KDM4C: variants seen among roughly 807,000 people sequenced by gnomAD.
KDM4C encodes the protein lysine demethylase 4C, also known as lysine-specific demethylase 4C.
KDM4C carries 81 observed loss-of-function variants against 129.3 expected under a neutral mutation model. The observed-to-expected ratio is 0.63, with a 90% CI of 0.52 to 0.75. KDM4C has a LOEUF of 0.75. Ranked by LOEUF, KDM4C falls within the 30% of genes least tolerant of loss-of-function variation. The pLI is 0.00. For missense variants in KDM4C, 1,457 were observed against 1,304.0 expected, an observed-to-expected ratio of 1.12 and a Z score of -1.81; for synonymous variants, 573 against 456.1, an observed-to-expected ratio of 1.26 and a Z score of -3.26.
chr9:6,916,442 T>A (rs1312455994), intron 8 of KDM4C, among the ~76,000 whole-genome samples: 1 of 152,012 alleles, frequency 6.6e-6, no homozygotes, highest in Non-Finnish European at 1.5e-5. Flanking sequence ...TGGGACTTCT[T>A]AATTTGTTTT....
At chr9:6,743,510 C>A (rs1817771867) in intron 1 of KDM4C, among the ~76,000 whole-genome samples, 1 of 150,450 alleles carries the variant, frequency 6.6e-6, no homozygotes. Context: ...TTTTCTGCTT[C>A]CTTTTTTTTT....
At chr9:6,898,024 C>T (rs1816734796) in intron 8 of KDM4C, among the ~76,000 whole-genome samples, 1 of 152,100 alleles carries the variant, frequency 6.6e-6, no homozygotes, top group South Asian at 2.1e-4. Flanking sequence ...GCTTCCTGGC[C>T]AGGTTGGATC....
At chr9:7,052,235 TATTA>T (rs1830247696) in intron 17 of KDM4C, among the ~76,000 whole-genome samples, 1 of 152,236 alleles carries the variant, frequency 6.6e-6, no homozygotes, top group South Asian at 2.1e-4. Context: ...ACTATATACT[TATTA>T]ATTATATAAT....
At position 6,955,786 on chromosome 9, in the gene KDM4C, C is replaced by G. The variant is rs573193451; in HGVS notation, c.922-25139C>G. 2.6e-5 allele frequency among the ~76,000 whole-genome samples: 4 copies of G among 152,302 alleles called. No individual in the cohort carries two copies. In the East Asian group the frequency reaches 7.7e-4, roughly 29 times the overall value. On this transcript the variant is annotated intron_variant, in intron 8 of 21. Transcript: ENST00000381309. ...ATACACACTCTGTATCAAAGTGTCT[C>G]AGAATTTGATGTATTAACTTTAATT...
intron 1 of KDM4C, among the ~76,000 whole-genome samples, chr9:6,749,543 C>T (rs1818001523): frequency 6.6e-6 from 1 of 152,036 alleles, no homozygotes; most frequent in Non-Finnish European, 1.5e-5. Flanking sequence ...TGGTGCATGC[C>T]TGTGGTCCCA....
At chr9:6,820,671 C>G (rs1057103982) in intron 4 of KDM4C, among the ~76,000 whole-genome samples, 1 of 150,444 alleles carries the variant, frequency 6.6e-6, no homozygotes, top group Admixed American at 6.6e-5. Context: ...AGGGAGAGGG[C>G]CTGGAAATCC....
intron 8 of KDM4C, chr9:6,924,839 AAGAC>A (rs1822186074): frequency 8.1e-6 from 8 of 983,354 alleles, no homozygotes; most frequent in Non-Finnish European, 9.7e-6. Context: ...ACATGAAAAT[AAGAC>A]AGGCTGTCCA....
intron 12 of KDM4C, among the ~76,000 whole-genome samples, chr9:7,009,458 T>C (rs1822281750): frequency 6.7e-6 from 1 of 150,150 alleles, no homozygotes; most frequent in Non-Finnish European, 1.5e-5. Context: ...GCATACATTC[T>C]TTTTTTTTCA....
chr9:6,723,236 G>A (rs146987656), intron 1 of KDM4C, among the ~76,000 whole-genome samples: 3 of 151,974 alleles, frequency 2.0e-5, no homozygotes, highest in Non-Finnish European at 2.9e-5. Flanking sequence ...TTAGCCAGGC[G>A]TGGTGGTGGG....
chr9:6,781,164 C>G (rs1268665483), intron 1 of KDM4C, among the ~76,000 whole-genome samples: 5 of 152,096 alleles, frequency 3.3e-5, no homozygotes, highest in African/African-American at 1.2e-4. Context: ...GGCTGGGAAG[C>G]TTCTTTGGGG....
chr9:6,959,731 C>T (rs1037266630), intron 8 of KDM4C, among the ~76,000 whole-genome samples: 3 of 152,072 alleles, frequency 2.0e-5, no homozygotes, highest in South Asian at 4.2e-4. Context: ...AGTTAGGCTA[C>T]ACGAATTATG....
At chr9:6,751,240 G>A (rs1213142280) in intron 1 of KDM4C, among the ~76,000 whole-genome samples, 1 of 152,088 alleles carries the variant, frequency 6.6e-6, no homozygotes. Flanking sequence ...GAGCTCATGA[G>A]TTAGAGACCA....
intron 3 of KDM4C, among the ~76,000 whole-genome samples, chr9:6,807,511 G>A (rs2131047507): frequency 6.7e-6 from 1 of 148,702 alleles, no homozygotes; most frequent in Admixed American, 6.7e-5. Context: ...CGTCTGAGAT[G>A]TGGGGAGCGC....
At chr9:7,076,484 A>G (rs1213715140) in intron 17 of KDM4C, 11 of 1,550,180 alleles carry the variant, frequency 7.1e-6, no homozygotes, top group African/African-American at 2.7e-5. Context: ...AACAATAACA[A>G]TGAAGGCTCA....
chr9:7,046,986 A>C, intron 16 of KDM4C, 69 bp downstream of exon 16: 2 of 1,121,800 alleles, frequency 1.8e-6, no homozygotes, highest in Middle Eastern at 2.0e-4. Flanking sequence ...TTTGGATGAC[A>C]GTTCGCTTTA....
intron 1 of KDM4C, among the ~76,000 whole-genome samples, chr9:6,763,033 T>TGG (rs545142703): frequency 6.7e-6 from 1 of 150,028 alleles, no homozygotes; most frequent in South Asian, 2.1e-4. Context: ...CTTCCGCTGG[T>TGG]GGGGGGGGAT....
At chr9:6,840,519 C>T (rs528674348) in intron 4 of KDM4C, among the ~76,000 whole-genome samples, 67 of 152,256 alleles carry the variant, frequency 4.4e-4, no homozygotes, top group Non-Finnish European at 8.5e-4. Context: ...GCCTCAGCCT[C>T]CCGAGTAGCT....
At chr9:6,883,694 A>G (rs535182395) in intron 6 of KDM4C, among the ~76,000 whole-genome samples, 9 of 152,258 alleles carry the variant, frequency 5.9e-5, no homozygotes, top group African/African-American at 1.9e-4. Flanking sequence ...ATGAATGTCA[A>G]CTAGTAGGGA....
chr9:6,736,232 T>A lies in KDM4C; in HGVS notation c.49+15235T>A, dbSNP rs115706611. Among the ~76,000 whole-genome samples the A allele has an allele frequency of 9.5e-3, 1,448 of 152,192 alleles. 22 individuals are homozygous for A. The highest frequency in any genetic ancestry group is 0.033 in the African/African-American group (1,378 of 41,522). ...AGACTGGAAAATTGCAACCTGACAA[T>A]GCAACAGAAAAGAAAATCTCATTTT... On this transcript the variant is annotated intron_variant, in intron 1 of 17. Transcript: ENST00000536108.
Sources: gnomAD v4.1 joint callset for allele counts (sites outside exome capture counted in the v4.1 genomes callset) on GRCh38, gnomAD v4.1.1 for gene constraint, MANE v1.5 for transcripts, NCBI Gene and HGNC (gene_info 2026-07-23, HGNC 2026-07-21) for gene names.